The following ARHGAP42 variants were observed in gnomAD, a reference collection of about 807,000 sequenced individuals.
The protein encoded by ARHGAP42 is rho GTPase-activating protein 42.
In ARHGAP42, 63 loss-of-function variants were observed where a neutral mutation model predicts 125.0. The ratio of observed to expected loss-of-function variants is 0.50; its 90% CI spans 0.41 to 0.62. The LOEUF (loss-of-function observed/expected upper bound fraction) is 0.62, where lower values mean the gene tolerates loss of function less well. Among genes scored for constraint, ARHGAP42 ranks in the 20% least tolerant of loss-of-function variants. The pLI, the probability that ARHGAP42 is intolerant of heterozygous loss-of-function variation, is 0.00. For synonymous variants in ARHGAP42, 339 were observed against 351.0 expected, an observed-to-expected ratio of 0.97 and a Z score of 0.38; for missense variants, 766 against 1,024.2, an observed-to-expected ratio of 0.75 and a Z score of 3.44.
intron 6 of ARHGAP42, among the ~76,000 whole-genome samples, chr11:100,927,717 G>A (rs888629417): frequency 1.3e-5 from 2 of 152,068 alleles, no homozygotes; most frequent in Non-Finnish European, 2.9e-5. Flanking sequence ...GTGTACCTCA[G>A]GCCTCTTCAT....
At position 100,691,813 on chromosome 11, in the gene ARHGAP42, C is replaced by A. The variant is rs61472500; in HGVS notation, c.154+3981C>A. Among the ~76,000 whole-genome samples the A allele has an allele frequency of 1.1e-3, 167 of 152,106 alleles. 1 individual carries two copies. The highest frequency in any genetic ancestry group is 1.8e-4 in the Non-Finnish European group (12 of 67,982). ...TGCTGAGATTACAGGTGTGAGCCAC[C>A]ATATCCAGTGCCACAAGATTTTAAG... On this transcript the variant is annotated intron_variant, in intron 1 of 23. Transcript: ENST00000298815.
intron 1 of ARHGAP42, among the ~76,000 whole-genome samples, chr11:100,766,362 C>T (rs1046460615): frequency 6.6e-6 from 1 of 152,024 alleles, no homozygotes; most frequent in African/African-American, 2.4e-5. Flanking sequence ...GGCATGGGAT[C>T]TTTCATTTTA....
intron 3 of ARHGAP42, among the ~76,000 whole-genome samples, chr11:100,841,763 A>T (rs964187412): frequency 6.6e-6 from 1 of 152,074 alleles, no homozygotes; most frequent in East Asian, 1.9e-4. Flanking sequence ...TAGGGGTTGG[A>T]GGCGGTTGAG....
At chr11:100,717,794 C>A (rs1360939828) in intron 1 of ARHGAP42, among the ~76,000 whole-genome samples, 3 of 151,586 alleles carry the variant, frequency 2.0e-5, no homozygotes, top group Non-Finnish European at 4.4e-5. Flanking sequence ...GACGTGGTGG[C>A]ACACACCTGT....
At position 100,992,677 on chromosome 11, in the gene ARHGAP42, G is replaced by A. The variant is rs1286298137; in HGVS notation, c.*3876G>A. 10 of 1,594,906 alleles carry A rather than the reference G, an allele frequency of 6.3e-6. No homozygotes were observed. The highest frequency in any genetic ancestry group is 5.4e-5 in the African/African-American group (4 of 74,182). On this transcript the variant is annotated 3_prime_UTR_variant, in exon 24 of 24. Coordinates refer to ENST00000298815, the MANE Select transcript of ARHGAP42 (RefSeq NM_152432.4). The stretch of plus-strand genomic sequence containing the variant: ...CAGTTCCACTTGGTAATAACGTTGG[G>A]AAAATGCAGGTTTATGAATGATGTG...
At chr11:100,770,483 T>C (rs1239351713) in intron 2 of ARHGAP42, 45 bp downstream of exon 2, 3 of 1,339,278 alleles carry the variant, frequency 2.2e-6, no homozygotes, top group Admixed American at 2.2e-5. Context: ...ATATTTATTT[T>C]ACTGAAATCA....
At chr11:100,793,630 AATGAGTTCTTTTG>A (rs1263805337) in intron 2 of ARHGAP42, among the ~76,000 whole-genome samples, 2 of 151,992 alleles carry the variant, frequency 1.3e-5, no homozygotes, top group African/African-American at 4.8e-5. Context: ...TATCTTCCTT[AATGAGTTCTTTTG>A]ATGAGTTCTT....
intron 22 of ARHGAP42, among the ~76,000 whole-genome samples, chr11:100,981,735 TAATC>T (rs1858550751): frequency 6.6e-6 from 1 of 152,148 alleles, no homozygotes. Flanking sequence ...TAAAAGGCCT[TAATC>T]AGGAGAGTAG....
chr11:100,766,246 G>GGTA (rs1270957173), intron 1 of ARHGAP42, among the ~76,000 whole-genome samples: 1 of 133,216 alleles, frequency 7.5e-6, no homozygotes, highest in Non-Finnish European at 1.7e-5. Flanking sequence ...TGTGTGTGGT[G>GGTA]TGGGGGGCAT....
intron 1 of ARHGAP42, among the ~76,000 whole-genome samples, chr11:100,715,470 T>G (rs1861644725): frequency 6.6e-6 from 1 of 152,204 alleles, no homozygotes; most frequent in South Asian, 2.1e-4. Context: ...TTCCTGACAC[T>G]TGGGGACTGG....
At chr11:100,746,030 C>G (rs1226217376) in intron 1 of ARHGAP42, among the ~76,000 whole-genome samples, 1 of 152,116 alleles carries the variant, frequency 6.6e-6, no homozygotes, top group African/African-American at 2.4e-5. Context: ...TTTCCTTTCT[C>G]TGGTTGATTA....
chr11:100,876,020 C>G (rs1174151347), intron 4 of ARHGAP42, among the ~76,000 whole-genome samples: 1 of 151,898 alleles, frequency 6.6e-6, no homozygotes, highest in East Asian at 1.9e-4. Context: ...TCTTTGATTC[C>G]TTATAAAAAA....
At chr11:100,877,313 C>T (rs1865842664) in intron 4 of ARHGAP42, among the ~76,000 whole-genome samples, 1 of 152,150 alleles carries the variant, frequency 6.6e-6, no homozygotes, top group African/African-American at 2.4e-5. Flanking sequence ...TGTTGCTTAC[C>T]TTACTTAGCC....
rs146895046 is a variant in ARHGAP42, at chr11:100,884,396, G to T, written c.384+24771G>T. On this transcript the variant is annotated intron_variant, in intron 4 of 23. Transcript: ENST00000298815. ...CCAAAATTCAATCTGAGGTCTTGGT[G>T]TAGCATTCTTTCTTTTACTCTGTTG... Among the ~76,000 whole-genome samples the T allele has an allele frequency of 5.9e-5, 9 of 152,270 alleles. No homozygotes were observed. In the East Asian group the frequency reaches 1.7e-3, roughly 29 times the overall value.
intron 3 of ARHGAP42, among the ~76,000 whole-genome samples, chr11:100,857,260 G>A (rs1865342881): frequency 1.3e-5 from 2 of 151,950 alleles, no homozygotes; most frequent in South Asian, 2.1e-4. Flanking sequence ...CAAAACAAAG[G>A]AAAAATAACC....
chr11:100,703,256 A>G (rs1017322723), intron 1 of ARHGAP42, among the ~76,000 whole-genome samples: 1 of 152,214 alleles, frequency 6.6e-6, no homozygotes, highest in Non-Finnish European at 1.5e-5. Flanking sequence ...ACTAACCAGT[A>G]TTATGGGTCC....
In ARHGAP42 at chr11:100,859,583, AC is replaced by A; in HGVS notation, c.344del (p.Pro115HisfsTer10). The A allele has an allele frequency of 6.6e-7, 1 of 1,522,228 alleles. No individual in the cohort carries two copies. The highest frequency in any genetic ancestry group is 8.8e-7 in the Non-Finnish European group (1 of 1,135,990). The allele number at this position is 1,522,228 out of a possible 1,614,324, so 94.3% of individuals were successfully genotyped here. A position where few individuals can be genotyped will look rare whatever the true frequency, so the allele number is the denominator to read the frequency against. The stretch of plus-strand genomic sequence containing the variant: ...AAAACGCTAACGATGTATTAATTGC[AC>A]CACTTGAGAAATTTCGAAAAGAACA... ...IQNANDVLIAPLEKFRKEQIG... is the reference protein window; with the variant it reads ...IQNANDVLIAXLEKFRKEQIG... On this transcript the variant is annotated frameshift_variant, in exon 4 of 24. Transcript: ENST00000298815. LOFTEE classifies it high-confidence loss of function.
intron 1 of ARHGAP42, among the ~76,000 whole-genome samples, chr11:100,717,923 TAA>T (rs1555109759): frequency 1.4e-5 from 2 of 140,904 alleles, no homozygotes; most frequent in East Asian, 2.1e-4. Context: ...GACTCTGCCT[TAA>T]AAAAAAAAAA....
Position 100,989,391 on chromosome 11 carries a change from A to G in ARHGAP42, c.*590A>G. On this transcript the variant is annotated 3_prime_UTR_variant, in exon 24 of 24. Transcript: ENST00000298815. Reference sequence around the variant, plus strand: ...AAAAGCAATAATGTATATGATATCTATAAAGGAAGCAAAATTAAGTCATAC... The same window carrying G: ...AAAAGCAATAATGTATATGATATCTGTAAAGGAAGCAAAATTAAGTCATAC... The G allele has an allele frequency of 3.0e-6, 1 of 334,510 alleles. No individual in the cohort carries two copies. The allele number at this position is 334,510 out of a possible 1,614,324, so 20.7% of individuals were successfully genotyped here.
Sources: gnomAD v4.1 joint callset for allele counts (sites outside exome capture counted in the v4.1 genomes callset) on GRCh38, gnomAD v4.1.1 for gene constraint, MANE v1.5 for transcripts, NCBI Gene and HGNC (gene_info 2026-07-23, HGNC 2026-07-21) for gene names.